The following CCDC171 variants were observed in gnomAD, a reference collection of about 807,000 sequenced individuals.
CCDC171 encodes coiled-coil domain-containing protein 171.
Under a neutral mutation model 168.2 loss-of-function variants are expected in CCDC171, and 177 were observed. That is an observed-to-expected ratio of 1.05 (90% CI 0.93 to 1.19). The LOEUF (loss-of-function observed/expected upper bound fraction) is 1.19. Among genes scored for constraint, CCDC171 ranks in the 50% most tolerant of loss-of-function variants. The pLI is 0.00. For synonymous variants in CCDC171, 687 were observed against 540.8 expected (o/e 1.27, Z -3.75); for missense variants, 1,991 against 1,539.0 (o/e 1.29, Z -4.91).
chr9:15,947,679 A>C (rs1047109206), intron 25 of CCDC171, among the ~76,000 whole-genome samples: 5 of 152,018 alleles, frequency 3.3e-5, no homozygotes, highest in Admixed American at 1.3e-4. Flanking sequence ...GGGTATACAA[A>C]TATCTCTTCA....
At chr9:16,061,235 C>T (rs1030198765) in exon 2 of CCDC171, 17 of 152,314 alleles carry the variant, frequency 1.1e-4, no homozygotes, top group Non-Finnish European at 1.8e-4. Context: ...ACGTTAGCCA[C>T]TATGCTTGCT....
intron 3 of CCDC171, among the ~76,000 whole-genome samples, chr9:15,987,583 T>C (rs1832033880): frequency 6.6e-6 from 1 of 152,238 alleles, no homozygotes; most frequent in Non-Finnish European, 1.5e-5. Flanking sequence ...AGCCAAATCC[T>C]GAAGATAAAT....
Position 15,553,066 on chromosome 9 carries a change from A to G in CCDC171, c.-348A>G, listed in dbSNP as rs1341971997. The G allele has an allele frequency of 6.6e-6, 1 of 152,446 alleles. No homozygotes were observed. Among genetic ancestry groups the G allele is most frequent in the Non-Finnish European group, 1.5e-5 (1 of 68,254 alleles). 9.4% of individuals were successfully genotyped at this position (152,446 alleles called of 1,614,324 possible). The stretch of plus-strand genomic sequence containing the variant: ...GTGAAAGTCTGGGAAGGTCTGCGAG[A>G]GAAGCGGAGTGTTTTCAGCTCCGGA... On this transcript the variant is annotated 5_prime_UTR_variant, in exon 1 of 26. Coordinates refer to ENST00000380701, the MANE Select transcript of CCDC171 (RefSeq NM_173550.4).
intron 3 of CCDC171, among the ~76,000 whole-genome samples, chr9:16,006,846 G>T (rs1172096224): frequency 3.9e-5 from 6 of 152,182 alleles, no homozygotes; most frequent in Non-Finnish European, 8.8e-5. Flanking sequence ...GGACATTTGG[G>T]TTGGTTCCAA....
rs960527568 is a variant in CCDC171, at chr9:15,807,840, G to A, written c.3267+23146G>A. Among the ~76,000 whole-genome samples, 109 of 150,794 alleles carry A rather than the reference G, an allele frequency of 7.2e-4. 1 individual carries two copies. The highest frequency in any genetic ancestry group is 2.4e-3 in the African/African-American group (98 of 40,988). On this transcript the variant is annotated intron_variant, in intron 21 of 25. Coordinates refer to ENST00000380701, the MANE Select transcript of CCDC171 (RefSeq NM_173550.4). ...GTCTTCTCACCGGAGCAAGATTGCCGTTTCTGCTTGGAATCTTCCTTCTTG... is the reference window on the plus strand; with the variant it reads ...GTCTTCTCACCGGAGCAAGATTGCCATTTCTGCTTGGAATCTTCCTTCTTG...
chr9:16,080,249 T>C, the CCDC171 span, among the ~76,000 whole-genome samples: 1 of 152,196 alleles, frequency 6.6e-6, no homozygotes, highest in South Asian at 2.1e-4. Context: ...TGTGGTCTGA[T>C]TCAATTGGGA....
chr9:15,865,506 C>T (rs1156938051), intron 23 of CCDC171, among the ~76,000 whole-genome samples: 1 of 151,790 alleles, frequency 6.6e-6, no homozygotes, highest in Non-Finnish European at 1.5e-5. Flanking sequence ...CAAGACCAAC[C>T]CCTCCTCTTC....
intron 1 of CCDC171, among the ~76,000 whole-genome samples, chr9:16,057,718 G>T (rs759598137): frequency 6.6e-6 from 1 of 152,130 alleles, no homozygotes; most frequent in African/African-American, 2.4e-5. Context: ...TTGCCAGACC[G>T]GGAGGTAGCA....
At chr9:16,002,030 A>C (rs575493790) in intron 3 of CCDC171, among the ~76,000 whole-genome samples, 1 of 150,504 alleles carries the variant, frequency 6.6e-6, no homozygotes, top group Non-Finnish European at 1.5e-5. Flanking sequence ...GGGTCTCACT[A>C]TGTTGCCCAG....
intron 7 of CCDC171, among the ~76,000 whole-genome samples, chr9:15,639,395 G>A (rs1426957365): frequency 1.3e-5 from 2 of 152,032 alleles, no homozygotes; most frequent in South Asian, 2.1e-4. Flanking sequence ...AGAAAAGGTA[G>A]AGATAATTTT....
intron 3 of CCDC171, among the ~76,000 whole-genome samples, chr9:16,018,994 A>C (rs1393203887): frequency 1.3e-5 from 2 of 152,200 alleles, no homozygotes; most frequent in Non-Finnish European, 2.9e-5. Context: ...TTTTACTTTG[A>C]GGGCTGTTTG....
chr9:15,947,232 A>G (rs1466994406), intron 25 of CCDC171, among the ~76,000 whole-genome samples: 1 of 151,976 alleles, frequency 6.6e-6, no homozygotes, highest in Non-Finnish European at 1.5e-5. Flanking sequence ...AGACCTTAAC[A>G]TTCATAGACG....
intron 6 of CCDC171, among the ~76,000 whole-genome samples, chr9:15,607,385 G>A (rs2043306520): frequency 6.6e-6 from 1 of 152,222 alleles, no homozygotes; most frequent in Admixed American, 6.5e-5. Flanking sequence ...ACAGTATATT[G>A]TATTATTTTA....
chr9:16,034,763 T>A (rs1011428925), intron 6 of CCDC171, among the ~76,000 whole-genome samples: 2 of 152,194 alleles, frequency 1.3e-5, no homozygotes, highest in African/African-American at 4.8e-5. Flanking sequence ...AAAGCTTCCC[T>A]GGATCTCAGA....
At chr9:15,917,391 A>C (rs142573686) in intron 24 of CCDC171, among the ~76,000 whole-genome samples, 1 of 151,838 alleles carries the variant, frequency 6.6e-6, no homozygotes, top group African/African-American at 2.4e-5. Context: ...CTATTATACA[A>C]ATTTTATTTT....
intron 2 of CCDC171, among the ~76,000 whole-genome samples, chr9:15,566,035 A>G (rs538381129): frequency 3.3e-5 from 5 of 152,258 alleles, no homozygotes; most frequent in Admixed American, 1.3e-4. Flanking sequence ...ATCTATTTCA[A>G]TTTAGCCATT....
intron 6 of CCDC171, among the ~76,000 whole-genome samples, chr9:15,615,633 A>AT (rs1188546366): frequency 1.3e-5 from 2 of 152,084 alleles, no homozygotes; most frequent in Non-Finnish European, 2.9e-5. Context: ...TTGGCCTTTG[A>AT]TTTTCCAGGT....
intron 18 of CCDC171, among the ~76,000 whole-genome samples, chr9:15,749,416 G>C (rs970964316): frequency 6.6e-6 from 1 of 152,162 alleles, no homozygotes; most frequent in East Asian, 1.9e-4. Flanking sequence ...AGATCAACGA[G>C]ACAGAAAATT....
At chr9:16,048,130 G>A (rs1833689610) in intron 1 of CCDC171, among the ~76,000 whole-genome samples, 1 of 152,238 alleles carries the variant, frequency 6.6e-6, no homozygotes, top group Admixed American at 6.5e-5. Flanking sequence ...TTTGACATTG[G>A]CTGCCAAGCT....
Sources: gnomAD v4.1 joint callset for allele counts (sites outside exome capture counted in the v4.1 genomes callset) on GRCh38, gnomAD v4.1.1 for gene constraint, MANE v1.5 for transcripts, NCBI Gene and HGNC (gene_info 2026-07-23, HGNC 2026-07-21) for gene names.